The following KSR2 variants were observed in gnomAD, a reference collection of about 807,000 sequenced individuals.
KSR2 encodes kinase suppressor of ras 2.
KSR2 carries 25 observed loss-of-function variants against 107.8 expected under a neutral mutation model. The ratio of observed to expected loss-of-function variants is 0.23; its 90% CI spans 0.17 to 0.32. The LOEUF (loss-of-function observed/expected upper bound fraction) is 0.32. KSR2 is among the 10% of genes least tolerant of loss of function. The probability of loss-of-function intolerance (pLI) is 1.00; values close to 1 mark genes in which losing one functional copy is unlikely to be tolerated. For synonymous variants in KSR2, 480 were observed against 507.0 expected (o/e 0.95, Z 0.71); for missense variants, 887 against 1,268.9 (o/e 0.70, Z 4.57).
intron 1 of KSR2, among the ~76,000 whole-genome samples, chr12:117,870,071 C>T (rs1893600584): frequency 6.6e-6 from 1 of 152,204 alleles, no homozygotes; most frequent in South Asian, 2.1e-4. Context: ...TTTACCAGGA[C>T]ACTATGCTAG....
intron 3 of KSR2, among the ~76,000 whole-genome samples, 186 bp downstream of exon 3, chr12:117,855,242 G>T (rs901305671): frequency 1.1e-4 from 17 of 152,186 alleles, no homozygotes; most frequent in African/African-American, 3.9e-4. Flanking sequence ...TCCAAGAGCT[G>T]CCCTTGCTGG....
chr12:117,727,779 G>A (rs1887493902), intron 4 of KSR2, among the ~76,000 whole-genome samples: 1 of 152,178 alleles, frequency 6.6e-6, no homozygotes, highest in African/African-American at 2.4e-5. Context: ...CACCACGTTT[G>A]TGATACTTTG....
intron 1 of KSR2, among the ~76,000 whole-genome samples, chr12:117,931,076 A>G (rs890904221): frequency 2.6e-5 from 4 of 152,144 alleles, no homozygotes; most frequent in African/African-American, 9.7e-5. Flanking sequence ...CAGAAACTCC[A>G]AGAGAGTCGT....
At chr12:117,778,224 G>A (rs530176091) in intron 3 of KSR2, among the ~76,000 whole-genome samples, 1 of 152,182 alleles carries the variant, frequency 6.6e-6, no homozygotes, top group Non-Finnish European at 1.5e-5. Flanking sequence ...CCAAGTAGCT[G>A]GGATTACAGG....
intron 4 of KSR2, among the ~76,000 whole-genome samples, chr12:117,715,563 T>C (rs924556928): frequency 6.6e-6 from 1 of 152,214 alleles, no homozygotes; most frequent in African/African-American, 2.4e-5. Flanking sequence ...CATACAGTTG[T>C]TTAAAGAAGT....
rs7486022 is a variant in KSR2 at position 117,467,186 on chromosome 12, C to G, written c.*13G>C. ...GAGCCCAGGCAGCTGGGCGCCGTCC[C>G]GATGTCCAAAGGTCACAGCCTGGAG... On this transcript the variant is annotated 3_prime_UTR_variant, in exon 20 of 20. Transcript: ENST00000339824. 1.4e-6 allele frequency: 1 copy of G among 720,704 alleles called. No individual in the cohort carries two copies. The highest frequency in any genetic ancestry group is 2.8e-5 in the East Asian group (1 of 36,334). The allele number at this position is 720,704 out of a possible 1,614,324, so 44.6% of individuals were successfully genotyped here. A position where few individuals can be genotyped will look rare whatever the true frequency, so the allele number is the denominator to read the frequency against.
chr12:117,963,798 G>C (rs66837180), intron 1 of KSR2, among the ~76,000 whole-genome samples: 47,986 of 151,878 alleles, frequency 0.32, 9,070 homozygotes, highest in African/African-American at 0.53. Flanking sequence ...TGGGCAAAAT[G>C]GTCTCTAGGC....
intron 6 of KSR2, among the ~76,000 whole-genome samples, chr12:117,582,074 G>T (rs1879697496): frequency 6.6e-6 from 1 of 152,306 alleles, no homozygotes; most frequent in South Asian, 2.1e-4. Context: ...TAACTGCTAT[G>T]TGCTAATTTT....
At chr12:117,565,884 C>T (rs1878454442) in intron 7 of KSR2, among the ~76,000 whole-genome samples, 1 of 152,218 alleles carries the variant, frequency 6.6e-6, no homozygotes, top group South Asian at 2.1e-4. Context: ...ATTCAAGTTT[C>T]AGACTGCAAT....
chr12:117,582,248 A>G, intron 6 of KSR2, 42 bp downstream of exon 6: 1 of 1,566,076 alleles, frequency 6.4e-7, no homozygotes, highest in South Asian at 1.1e-5. Flanking sequence ...CCCCTCACAG[A>G]GCTGAGAAGT....
chr12:117,626,907 A>C (rs112405218), intron 5 of KSR2, among the ~76,000 whole-genome samples: 1 of 152,128 alleles, frequency 6.6e-6, no homozygotes, highest in Non-Finnish European at 1.5e-5. Context: ...GGTGCATATA[A>C]ATTTAGGATA....
At chr12:117,837,415 C>T (rs1214583472) in intron 3 of KSR2, among the ~76,000 whole-genome samples, 1 of 152,176 alleles carries the variant, frequency 6.6e-6, no homozygotes, top group Non-Finnish European at 1.5e-5. Context: ...TCGGGCAGCG[C>T]CTCCTGGTGG....
At chr12:117,630,944 A>C (rs912547496) in intron 5 of KSR2, among the ~76,000 whole-genome samples, 1 of 152,182 alleles carries the variant, frequency 6.6e-6, no homozygotes. Flanking sequence ...TTCACAATCC[A>C]AGCCAATGAG....
chr12:117,928,496 T>C (rs989795173), intron 1 of KSR2, among the ~76,000 whole-genome samples: 18 of 152,222 alleles, frequency 1.2e-4, no homozygotes, highest in African/African-American at 3.1e-4. Context: ...CATTCCTTTG[T>C]AAGGCTAAAT....
intron 3 of KSR2, among the ~76,000 whole-genome samples, chr12:117,819,053 A>G (rs1201034335): frequency 1.3e-5 from 2 of 151,994 alleles, no homozygotes; most frequent in Non-Finnish European, 2.9e-5. Flanking sequence ...CATGATTTAC[A>G]TCATTAGTTG....
Position 117,809,064 on chromosome 12 carries a change from A to AC in KSR2, c.472+46363dup, listed in dbSNP as rs1246765265. On this transcript the variant is annotated intron_variant, in intron 3 of 19. Coordinates refer to ENST00000339824, the MANE Select transcript of KSR2 (RefSeq NM_173598.6). ...AATGACCATGTGGAGCAGACTCCCC[A>AC]CCCCCCGCCTCTAATCCAGAGCATC... Among the ~76,000 whole-genome samples the AC allele has an allele frequency of 1.6e-4, 24 of 150,732 alleles. No individual in the cohort carries two copies. In the South Asian group the frequency reaches 5.0e-3, roughly 32 times the overall value.
At chr12:117,930,970 A>T (rs991349629) in intron 1 of KSR2, among the ~76,000 whole-genome samples, 1 of 152,260 alleles carries the variant, frequency 6.6e-6, no homozygotes, top group Non-Finnish European at 1.5e-5. Flanking sequence ...TCTTTCAAAC[A>T]TCTTTGTCTT....
intron 5 of KSR2, among the ~76,000 whole-genome samples, chr12:117,639,658 A>ATTATTATAT (rs139711049): frequency 2.9e-5 from 3 of 102,858 alleles, no homozygotes; most frequent in Non-Finnish European, 4.4e-5. Flanking sequence ...TATTATTATT[A>ATTATTATAT]TATTATTTTA....
At chr12:117,727,074 G>A (rs2136708699) in intron 4 of KSR2, among the ~76,000 whole-genome samples, 1 of 152,100 alleles carries the variant, frequency 6.6e-6, no homozygotes, top group African/African-American at 2.4e-5. Flanking sequence ...TCTAATGACT[G>A]GTCTTCTTAT....
Sources: gnomAD v4.1 joint callset for allele counts (sites outside exome capture counted in the v4.1 genomes callset) on GRCh38, gnomAD v4.1.1 for gene constraint, MANE v1.5 for transcripts, NCBI Gene and HGNC (gene_info 2026-07-23, HGNC 2026-07-21) for gene names.